NKTR: variants seen among roughly 807,000 people sequenced by gnomAD.
NKTR encodes the protein natural killer cell triggering receptor.
In NKTR, 67 loss-of-function variants were observed where a neutral mutation model predicts 156.3. That is an observed-to-expected ratio of 0.43 (90% CI 0.35 to 0.53). NKTR has a LOEUF of 0.53. Ranked by LOEUF, NKTR falls within the 20% of genes least tolerant of loss-of-function variation. The pLI, the probability that NKTR is intolerant of heterozygous loss-of-function variation, is 0.01. For synonymous variants in NKTR, 640 were observed against 596.6 expected, an observed-to-expected ratio of 1.07 and a Z score of -1.06; for missense variants, 1,604 against 1,730.9, an observed-to-expected ratio of 0.93 and a Z score of 1.30.
chr3:42,618,862 ATGTG>A (rs1707648970), intron 3 of NKTR, among the ~76,000 whole-genome samples, 154 bp from the exon 4 acceptor site: 1 of 152,112 alleles, frequency 6.6e-6, no homozygotes, highest in Non-Finnish European at 1.5e-5. Flanking sequence ...GTTTGCGTGC[ATGTG>A]TGTATGTTAA....
At chr3:42,615,481 A>G (rs567978696) in intron 2 of NKTR, among the ~76,000 whole-genome samples, 18 of 151,868 alleles carry the variant, frequency 1.2e-4, no homozygotes, top group African/African-American at 4.3e-4. Flanking sequence ...TGTGTGTTGT[A>G]CTACTGGAGG....
intron 2 of NKTR, among the ~76,000 whole-genome samples, chr3:42,617,271 G>T (rs1401064347): frequency 6.6e-6 from 1 of 152,126 alleles, no homozygotes; most frequent in Admixed American, 6.5e-5. Context: ...TTATAGTTCA[G>T]ATAGGGAACT....
intron 6 of NKTR, chr3:42,627,833 G>T (rs1577513531): frequency 2.0e-6 from 2 of 985,292 alleles, no homozygotes; most frequent in Non-Finnish European, 2.4e-6. Context: ...TACTGAGCAT[G>T]TGTCACCATT....
intron 6 of NKTR, chr3:42,627,162 A>G: frequency 2.2e-6 from 2 of 921,128 alleles, no homozygotes; most frequent in Non-Finnish European, 2.6e-6. Flanking sequence ...AAAGTGTATT[A>G]CAATTTATTT....
intron 5 of NKTR, 119 bp from the exon 6 acceptor site, chr3:42,621,310 C>G: frequency 7.4e-7 from 1 of 1,352,136 alleles, no homozygotes. Context: ...AGTGTTCAGT[C>G]AAGTTATCTG....
At position 42,635,271 on chromosome 3, in the gene NKTR, TGAC is replaced by T; in HGVS notation, c.1069_1071del (p.Asp357del). The T allele has an allele frequency of 6.2e-7, 1 of 1,613,852 alleles. No homozygotes were observed. The highest frequency in any genetic ancestry group is 8.5e-7 in the Non-Finnish European group (1 of 1,179,818). On this transcript the variant is annotated inframe_deletion, in exon 12 of 17. Transcript: ENST00000232978. ...GATCCTGTTCTGAGTCAGATGATGA[TGAC>T]AGCAGTGAAACTCCTCCTCACTGGA...
chr3:42,630,019 GA>G, intron 6 of NKTR: 1 of 985,440 alleles, frequency 1.0e-6, no homozygotes, highest in Non-Finnish European at 1.2e-6. Context: ...AGGAATTCTG[GA>G]AACAGAACTC....
intron 9 of NKTR, 69 bp downstream of exon 9, chr3:42,632,892 TTC>T: frequency 7.4e-7 from 1 of 1,354,494 alleles, no homozygotes; most frequent in Non-Finnish European, 9.5e-7. Flanking sequence ...GTATGTATAA[TTC>T]TATAAACTCA....
At chr3:42,619,881 A>G in intron 5 of NKTR, 173 bp downstream of exon 5, 2 of 1,411,656 alleles carry the variant, frequency 1.4e-6, no homozygotes, top group Non-Finnish European at 1.8e-6. Context: ...TGTAATATAT[A>G]ATTTTTAATT....
At chr3:42,618,025 G>C (rs1235791111) in intron 3 of NKTR, among the ~76,000 whole-genome samples, 1 of 151,946 alleles carries the variant, frequency 6.6e-6, no homozygotes, top group African/African-American at 2.4e-5. Flanking sequence ...AGAAAAAATG[G>C]GGAGGGAAAC....
chr3:42,634,353 G>C (rs1291447035), intron 10 of NKTR, among the ~76,000 whole-genome samples: 7 of 152,168 alleles, frequency 4.6e-5, no homozygotes. Context: ...ATAATGGCTG[G>C]TGTCATTGAT....
Position 42,642,656 on chromosome 3 carries a change from A to G in NKTR, c.4142+60A>G, listed in dbSNP as rs1466864848. On this transcript the variant is annotated intron_variant, in intron 14 of 16. Transcript: ENST00000232978. Reference sequence around the variant, plus strand: ...CATCATGTCCACTTTTTAAGGCTACATAGGCAGAGGGGGTAGTTGTTGAGA... The same window carrying G: ...CATCATGTCCACTTTTTAAGGCTACGTAGGCAGAGGGGGTAGTTGTTGAGA... The G allele has an allele frequency of 6.9e-6, 8 of 1,166,614 alleles. No individual in the cohort carries two copies. In the Admixed American group the frequency reaches 1.2e-4, roughly 17 times the overall value. The allele number at this position is 1,166,614 out of a possible 1,614,324, so 72.3% of individuals were successfully genotyped here.
At chr3:42,612,886 T>C (rs1706979230) in intron 2 of NKTR, among the ~76,000 whole-genome samples, 1 of 152,216 alleles carries the variant, frequency 6.6e-6, no homozygotes, top group African/African-American at 2.4e-5. Flanking sequence ...TTAATTGATA[T>C]CTTGGTGTTG....
At chr3:42,630,190 T>G (rs1577525433) in intron 6 of NKTR, 1 of 1,043,892 alleles carries the variant, frequency 9.6e-7, no homozygotes, top group East Asian at 7.0e-5. Context: ...TTTTGAGGGT[T>G]TTTTTTTTTA....
At chr3:42,622,617 T>C (rs902440425) in intron 6 of NKTR, among the ~76,000 whole-genome samples, 1 of 152,178 alleles carries the variant, frequency 6.6e-6, no homozygotes, top group African/African-American at 2.4e-5. Flanking sequence ...GATAAAAGAT[T>C]ATGCTTAGAA....
chr3:42,631,086 T>A (rs1559575003), intron 7 of NKTR, 85 bp from the exon 8 acceptor site: 1 of 1,546,354 alleles, frequency 6.5e-7, no homozygotes, highest in African/African-American at 1.4e-5. Flanking sequence ...TCTGTGGACA[T>A]GTCATTGATT....
rs151132028 is a variant in NKTR, at chr3:42,603,804, C to T, written c.58+2740C>T. On this transcript the variant is annotated intron_variant, in intron 2 of 16. Coordinates refer to ENST00000232978, the MANE Select transcript of NKTR (RefSeq NM_005385.4). ...AGGCTGGAGTGCAGTGGTGCCATCT[C>T]GGCTCAGTGCAACCTCCGCCTCCCA... 3.2e-4 allele frequency among the ~76,000 whole-genome samples: 47 copies of T among 148,072 alleles called. No homozygotes were observed. In the East Asian group the frequency reaches 7.3e-3, roughly 23 times the overall value.
rs1170419694 is a variant in NKTR at position 42,647,512 on chromosome 3, G to A, written c.*1537G>A. ...GCTGACAACCCTTGGTGGAGGGAGG[G>A]TGCCCTTGAATGTATTAAAACTATC... On this transcript the variant is annotated 3_prime_UTR_variant, in exon 17 of 17. Coordinates refer to ENST00000232978, the MANE Select transcript of NKTR (RefSeq NM_005385.4). 6.6e-6 allele frequency: 1 copy of A among 151,994 alleles called. No individual in the cohort carries two copies. The highest frequency in any genetic ancestry group is 6.5e-5 in the Admixed American group (1 of 15,268). 9.4% of individuals were successfully genotyped at this position (151,994 alleles called of 1,614,324 possible).
chr3:42,629,184 C>G (rs2125800951), intron 6 of NKTR: 1 of 984,888 alleles, frequency 1.0e-6, no homozygotes, highest in Non-Finnish European at 1.2e-6. Context: ...GATTTAAACA[C>G]TAGTGGCTCA....
Sources: allele counts gnomAD v4.1 joint callset (sites outside exome capture counted in the v4.1 genomes callset), GRCh38; gene constraint gnomAD v4.1.1; transcripts MANE v1.5; gene names NCBI Gene and HGNC (gene_info 2026-07-23, HGNC 2026-07-21).